URB2: variants seen among roughly 807,000 people sequenced by gnomAD.
URB2 encodes the protein URB2 ribosome biogenesis homolog, also known as unhealthy ribosome biogenesis protein 2 homolog.
Under a neutral mutation model 120.9 loss-of-function variants are expected in URB2, and 86 were observed. That is an observed-to-expected ratio of 0.71 (90% confidence interval 0.60 to 0.85). The LOEUF is 0.85. Among genes scored for constraint, URB2 ranks in the 40% least tolerant of loss-of-function variants. URB2 has a pLI of 0.00. For missense variants in URB2, 1,765 were observed against 1,836.5 expected, an observed-to-expected ratio of 0.96 and a Z score of 0.71; for synonymous variants, 755 against 758.4, an observed-to-expected ratio of 1.00 and a Z score of 0.07.
intron 7 of URB2, among the ~76,000 whole-genome samples, chr1:229,648,139 G>C (rs1440495387): frequency 6.6e-6 from 1 of 151,354 alleles, no homozygotes; most frequent in African/African-American, 2.4e-5. Flanking sequence ...TCAAAACTTT[G>C]TTTCATGCAA....
At chr1:229,631,648 C>T (rs376229061) in intron 2 of URB2, among the ~76,000 whole-genome samples, 6 of 152,220 alleles carry the variant, frequency 3.9e-5, no homozygotes, top group Non-Finnish European at 7.4e-5. Flanking sequence ...GAAAATAGCC[C>T]GTCAGGGTAA....
chr1:229,631,694 A>G (rs544945640), intron 2 of URB2, among the ~76,000 whole-genome samples: 1 of 152,338 alleles, frequency 6.6e-6, no homozygotes, highest in African/African-American at 2.4e-5. Context: ...TGCATAGAAC[A>G]TTTATTGATT....
chr1:229,642,490 G>T (rs375390215), intron 4 of URB2, among the ~76,000 whole-genome samples: 1 of 152,318 alleles, frequency 6.6e-6, no homozygotes, highest in South Asian at 2.1e-4. Context: ...AGGTATTCTG[G>T]CAATGTGGAA....
Position 229,638,100 on chromosome 1 carries a change from T to A in URB2, c.3487T>A (p.Leu1163Met). The change falls in exon 4 of 10, where the codon TTG (leucine) becomes ATG (methionine). Residue 1163 changes from leucine to methionine, a missense_variant. Leu to Met is a conservative substitution (Grantham distance 15). Coordinates refer to ENST00000258243, the MANE Select transcript of URB2 (RefSeq NM_014777.4). ...CCAGGGTGTTTACTCTCAGATACTG[T>A]TGGAGTTGCCAGCTCTCGCGGGACA... is the stretch of plus-strand genomic sequence containing the variant. ...LYQGVYSQIL[L>M]ELPALAGHDQ... 3.7e-6 allele frequency: 6 copies of A among 1,614,218 alleles called. No homozygotes were observed. The highest frequency in any genetic ancestry group is 5.1e-6 in the Non-Finnish European group (6 of 1,180,032).
chr1:229,631,047 C>T (rs1311702640), intron 2 of URB2, among the ~76,000 whole-genome samples: 11 of 146,910 alleles, frequency 7.5e-5, no homozygotes, highest in African/African-American at 2.7e-4. Context: ...GCTGTTTCTT[C>T]TACTCTGAAA....
chr1:229,649,078 A>G (rs1350479916), intron 7 of URB2, among the ~76,000 whole-genome samples: 1 of 152,236 alleles, frequency 6.6e-6, no homozygotes, highest in African/African-American at 2.4e-5. Context: ...ATAATCTTAT[A>G]GGACCACTGT....
intron 4 of URB2, among the ~76,000 whole-genome samples, chr1:229,642,619 T>C (rs1451988474): frequency 6.6e-6 from 1 of 152,184 alleles, no homozygotes; most frequent in Non-Finnish European, 1.5e-5. Context: ...ACACTGGGGA[T>C]GATGGGGAAC....
intron 5 of URB2, among the ~76,000 whole-genome samples, 193 bp downstream of exon 5, chr1:229,643,886 T>C (rs991073413): frequency 6.6e-6 from 1 of 152,248 alleles, no homozygotes; most frequent in African/African-American, 2.4e-5. Context: ...AGGGAGGCCT[T>C]AGTTTTCAAA....
Position 229,636,152 on chromosome 1 carries a change from G to C in URB2, c.1539G>C (p.Thr513=), listed in dbSNP as rs755475581. 1 of 1,614,258 alleles carries C rather than the reference G, an allele frequency of 6.2e-7. No individual in the cohort carries two copies. The highest frequency in any genetic ancestry group is 1.3e-5 in the African/African-American group (1 of 75,066). ...TGCCTCCAAGTCAGATCCTGGACAC[G>C]TGGTCCCTTGTGCTGGAGAAGTTCC... ...LELPPSQILD[T]WSLVLEKFQS... The change falls in exon 4 of 10, where the codon ACG becomes ACC. Residue 513 remains threonine (T), a synonymous_variant. Transcript: ENST00000258243.
intron 7 of URB2, among the ~76,000 whole-genome samples, chr1:229,648,069 A>G (rs536179790): frequency 2.0e-5 from 3 of 152,340 alleles, no homozygotes; most frequent in South Asian, 2.1e-4. Context: ...TGCTGACATC[A>G]TGCTACCAGT....
Position 229,636,143 on chromosome 1 carries a change from C to T in URB2, c.1530C>T (p.Ile510=), listed in dbSNP as rs1207339101. The part of the protein sequence containing the change: ...ACLLELPPSQ[I]LDTWSLVLEK... ...TCCTGGAGCTGCCTCCAAGTCAGAT[C>T]CTGGACACGTGGTCCCTTGTGCTGG... The change falls in exon 4 of 10, where the codon ATC becomes ATT. Residue 510 remains isoleucine, a synonymous_variant. Coordinates refer to ENST00000258243, the MANE Select transcript of URB2 (RefSeq NM_014777.4). The T allele has an allele frequency of 6.2e-7, 1 of 1,614,154 alleles. No individual in the cohort carries two copies. The highest frequency in any genetic ancestry group is 8.5e-7 in the Non-Finnish European group (1 of 1,180,066).
Position 229,637,703 on chromosome 1 carries a change from C to G in URB2, c.3090C>G (p.Leu1030=). The G allele has an allele frequency of 6.2e-7, 1 of 1,614,248 alleles. No individual in the cohort carries two copies. The change falls in exon 4 of 10, where the codon CTC becomes CTG. Residue 1030 remains leucine (L), a synonymous_variant. Coordinates refer to ENST00000258243, the MANE Select transcript of URB2 (RefSeq NM_014777.4). ...VLNFRKITAF[L]SSSKPYTEAA... ...ATTTTAGAAAAATCACCGCATTCCT[C>G]TCTAGTTCCAAACCATACACGGAGG... is the stretch of plus-strand genomic sequence containing the variant.
chr1:229,655,495 A>G (rs1666385112), intron 9 of URB2, among the ~76,000 whole-genome samples: 1 of 152,186 alleles, frequency 6.6e-6, no homozygotes, highest in African/African-American at 2.4e-5. Context: ...TGGCCTCCCA[A>G]AGTGCCAGGA....
intron 8 of URB2, among the ~76,000 whole-genome samples, chr1:229,652,925 C>G (rs1467290161): frequency 6.6e-6 from 1 of 152,224 alleles, no homozygotes; most frequent in East Asian, 1.9e-4. Context: ...CTGCTAAGAC[C>G]TGGTTCTCAG....
intron 3 of URB2, 85 bp from the exon 4 acceptor site, chr1:229,634,832 T>G: frequency 6.5e-6 from 8 of 1,238,160 alleles, no homozygotes; most frequent in Non-Finnish European, 8.6e-6. Context: ...AGGGGTGAGT[T>G]TGTTGATTTT....
chr1:229,630,627 T>C (rs563483115), intron 2 of URB2, among the ~76,000 whole-genome samples: 6 of 152,292 alleles, frequency 3.9e-5, no homozygotes, highest in Admixed American at 3.9e-4. Flanking sequence ...TAGACCTTAA[T>C]AAGAGAGTCA....
Position 229,636,044 on chromosome 1 carries a change from C to T in URB2, c.1431C>T (p.Ile477=). 1.2e-6 allele frequency: 2 copies of T among 1,614,102 alleles called. No individual in the cohort carries two copies. The highest frequency in any genetic ancestry group is 1.7e-6 in the Non-Finnish European group (2 of 1,179,956). Residue 477 remains isoleucine, a synonymous_variant, in exon 4 of 10, where the codon ATC becomes ATT. Transcript: ENST00000258243. ...TGTTTGAAGAGGTTTTGGGGGTGAT[C>T]TGTCGTCCAGCTGCTGAGGCACTGA... The part of the protein sequence containing the change: ...PRLFEEVLGV[I]CRPAAEALRQ...
rs1466539910 is a variant in URB2 at position 229,635,543 on chromosome 1, C to G, written c.930C>G (p.Leu310=). 6.2e-6 allele frequency: 10 copies of G among 1,614,120 alleles called. No individual in the cohort carries two copies. In the Admixed American group the frequency reaches 1.5e-4, roughly 24 times the overall value. ...VANSVALLYK[L]FLDSYFKEGN... is the part of the protein sequence containing the mutation. ...ACTCAGTGGCCTTGCTGTATAAGCT[C>G]TTTCTAGATTCTTACTTTAAGGAGG... The change falls in exon 4 of 10, where the codon CTC becomes CTG. Residue 310 remains leucine, a synonymous_variant. Transcript: ENST00000258243.
intron 9 of URB2, among the ~76,000 whole-genome samples, chr1:229,655,586 C>T (rs112899422): frequency 0.011 from 1,648 of 152,312 alleles, 29 homozygotes; most frequent in African/African-American, 0.038. Flanking sequence ...CAAAATTCCA[C>T]AGGATCCTGT....
Sources: gnomAD v4.1 joint callset for allele counts (sites outside exome capture counted in the v4.1 genomes callset) on GRCh38, gnomAD v4.1.1 for gene constraint, MANE v1.5 for transcripts, NCBI Gene and HGNC (gene_info 2026-07-23, HGNC 2026-07-21) for gene names.